MTREX: variants seen among roughly 807,000 people sequenced by gnomAD.
The protein encoded by MTREX is exosome RNA helicase MTR4.
Under a neutral mutation model 135.4 loss-of-function variants are expected in MTREX, and 76 were observed. That is an observed-to-expected ratio of 0.56 (90% CI 0.47 to 0.68). MTREX has a LOEUF of 0.68. Among genes scored for constraint, MTREX ranks in the 30% least tolerant of loss-of-function variants. The pLI is 0.00. For missense variants in MTREX, 920 were observed against 1,262.1 expected (o/e 0.73, Z 4.11); for synonymous variants, 404 against 401.6 (o/e 1.01, Z -0.07).
chr5:55,361,024 A>G (rs1749998092), intron 15 of MTREX, among the ~76,000 whole-genome samples: 1 of 152,176 alleles, frequency 6.6e-6, no homozygotes, highest in Non-Finnish European at 1.5e-5. Flanking sequence ...GCTTCTAACT[A>G]CTATATGGTA....
At chr5:55,386,353 TAAAAAC>T (rs1274724058) in intron 18 of MTREX, among the ~76,000 whole-genome samples, 2 of 152,108 alleles carry the variant, frequency 1.3e-5, no homozygotes, top group African/African-American at 2.4e-5. Flanking sequence ...AATTAGGACT[TAAAAAC>T]AAAAATCTAA....
At chr5:55,402,040 A>T (rs1750729896) in intron 21 of MTREX, among the ~76,000 whole-genome samples, 1 of 152,220 alleles carries the variant, frequency 6.6e-6, no homozygotes, top group African/African-American at 2.4e-5. Context: ...TTATAAAGTA[A>T]ATGCCCAGTG....
chr5:55,316,276 A>G (rs1365052335), intron 1 of MTREX, among the ~76,000 whole-genome samples: 1 of 152,152 alleles, frequency 6.6e-6, no homozygotes, highest in Non-Finnish European at 1.5e-5. Context: ...CTCCTCCCCA[A>G]CTTATTATGT....
intron 5 of MTREX, among the ~76,000 whole-genome samples, chr5:55,337,504 CTA>C (rs1196681445): frequency 6.6e-6 from 1 of 152,032 alleles, no homozygotes; most frequent in African/African-American, 2.4e-5. Flanking sequence ...TTATATAAAA[CTA>C]TAAAATTTCA....
At chr5:55,397,628 G>A (rs1206067157) in intron 20 of MTREX, 102 bp downstream of exon 20, 2 of 618,528 alleles carry the variant, frequency 3.2e-6, no homozygotes, top group South Asian at 3.1e-5. Flanking sequence ...CTTTCTTTCA[G>A]AATACCTATA....
intron 22 of MTREX, among the ~76,000 whole-genome samples, chr5:55,408,452 C>T (rs1002864539): frequency 2.0e-5 from 3 of 152,138 alleles, no homozygotes; most frequent in Non-Finnish European, 4.4e-5. Flanking sequence ...TATTGTTGCA[C>T]TCTTTGCTTG....
chr5:55,400,847 A>G (rs1182184981), intron 21 of MTREX, among the ~76,000 whole-genome samples: 1 of 152,198 alleles, frequency 6.6e-6, no homozygotes, highest in Non-Finnish European at 1.5e-5. Context: ...GCCCTTGGCA[A>G]TCACAAATCT....
At chr5:55,349,761 A>T (rs1246148014) in intron 12 of MTREX, 109 bp downstream of exon 12, 4 of 648,826 alleles carry the variant, frequency 6.2e-6, no homozygotes, top group Non-Finnish European at 1.1e-5. Flanking sequence ...ACACTGTAGC[A>T]TATGGGTTGT....
chr5:55,409,211 C>T lies in MTREX; in HGVS notation c.2646-1313C>T, dbSNP rs112335083. On this transcript the variant is annotated intron_variant, in intron 22 of 26. Transcript: ENST00000230640. The stretch of plus-strand genomic sequence containing the variant: ...AAGAGATCTACCTGTTTCAGCTTCC[C>T]AAATGAGCCAGGAGCCACTGTGCTC... Among the ~76,000 whole-genome samples the T allele has an allele frequency of 5.8e-3, 890 of 152,140 alleles. 8 individuals carry two copies. The highest frequency in any genetic ancestry group is 0.021 in the African/African-American group (857 of 41,498).
chr5:55,389,622 G>A (rs1235815584), intron 19 of MTREX, among the ~76,000 whole-genome samples: 3 of 152,154 alleles, frequency 2.0e-5, no homozygotes, highest in Admixed American at 2.0e-4. Flanking sequence ...TATAAAGGAA[G>A]TAGTGAGATT....
intron 5 of MTREX, chr5:55,329,533 T>A (rs1413173168): frequency 6.6e-6 from 1 of 152,180 alleles, no homozygotes; most frequent in African/African-American, 2.4e-5. Flanking sequence ...TTTGATCTTG[T>A]TTTCTGTACA....
chr5:55,346,183 C>A (rs1292622132), intron 10 of MTREX, among the ~76,000 whole-genome samples: 3 of 152,046 alleles, frequency 2.0e-5, no homozygotes, highest in Non-Finnish European at 4.4e-5. Flanking sequence ...GGATATGTAC[C>A]TAGGAGTGGA....
chr5:55,388,107 GT>G lies in MTREX; in HGVS notation c.2181+6del. 6.3e-7 allele frequency: 1 copy of G among 1,592,384 alleles called. No homozygotes were observed. Among genetic ancestry groups the G allele is most frequent in the South Asian group, 1.1e-5 (1 of 88,558 alleles). On this transcript the variant is annotated splice_donor_region_variant and intron_variant, in intron 19 of 26. Coordinates refer to ENST00000230640, the MANE Select transcript of MTREX (RefSeq NM_015360.5). ...GATGAGAAAGGAGAGATGCAGGTTT[GT>G]ACATAACTTTCTGTCTTCTGATTTC...
At position 55,340,193 on chromosome 5, in the gene MTREX, T is replaced by C. The variant is rs561540326; in HGVS notation, c.690+9T>C. The C allele has an allele frequency of 5.3e-6, 8 of 1,518,754 alleles. No individual in the cohort carries two copies. In the African/African-American group the frequency reaches 7.0e-5, roughly 13 times the overall value. 94.1% of individuals were successfully genotyped at this position (1,518,754 alleles called of 1,614,324 possible). On this transcript the variant is annotated intron_variant, in intron 6 of 26. Transcript: ENST00000230640. ...TTGTTATGACCACAGAGGTAATTCA[T>C]GTAGTGCCTCATCTGACTTTTCGTT... is the stretch of plus-strand genomic sequence containing the variant.
intron 14 of MTREX, chr5:55,356,573 C>A: frequency 5.1e-6 from 1 of 194,942 alleles, no homozygotes. Context: ...CCGCTGTCAG[C>A]AGGCAGTCAG....
intron 3 of MTREX, among the ~76,000 whole-genome samples, chr5:55,327,367 A>G (rs1749399731): frequency 6.6e-6 from 1 of 152,128 alleles, no homozygotes; most frequent in African/African-American, 2.4e-5. Context: ...TGAGCATTCA[A>G]AAGTTTCTCT....
At chr5:55,362,783 G>A (rs889563080) in intron 15 of MTREX, among the ~76,000 whole-genome samples, 5 of 152,186 alleles carry the variant, frequency 3.3e-5, no homozygotes, top group African/African-American at 1.2e-4. Flanking sequence ...TTATTAAACA[G>A]CCTTTCAGAA....
At chr5:55,398,491 T>G (rs924054222) in intron 20 of MTREX, among the ~76,000 whole-genome samples, 1 of 152,210 alleles carries the variant, frequency 6.6e-6, no homozygotes, top group Non-Finnish European at 1.5e-5. Flanking sequence ...TCCAAAACAA[T>G]CACTCCTAGA....
chr5:55,377,796 TTCTC>T (rs975133446), intron 16 of MTREX, among the ~76,000 whole-genome samples: 2 of 152,124 alleles, frequency 1.3e-5, no homozygotes, highest in African/African-American at 4.8e-5. Context: ...AGAAGATAGA[TTCTC>T]TCTCTGACCT....
Sources: gnomAD v4.1 joint callset for allele counts (sites outside exome capture counted in the v4.1 genomes callset) on GRCh38, gnomAD v4.1.1 for gene constraint, MANE v1.5 for transcripts, NCBI Gene and HGNC (gene_info 2026-07-23, HGNC 2026-07-21) for gene names.